WWOX: variants seen among roughly 807,000 people sequenced by gnomAD.
WWOX encodes the protein WW domain containing oxidoreductase.
A neutral mutation model predicts 46.2 loss-of-function variants in WWOX; 69 were observed. The observed-to-expected ratio is 1.49, with a 90% confidence interval of 1.23 to 1.82. The LOEUF (loss-of-function observed/expected upper bound fraction) is 1.82, where lower values mean the gene tolerates loss of function less well. Ranked by LOEUF, WWOX falls within the 40% of genes most tolerant of loss-of-function variation. The pLI is 0.00. For missense variants in WWOX, 919 were observed against 542.6 expected, an observed-to-expected ratio of 1.69 and a Z score of -6.89; for synonymous variants, 359 against 202.6, an observed-to-expected ratio of 1.77 and a Z score of -6.56.
chr16:78,570,244 T>C (rs553533058), intron 8 of WWOX, among the ~76,000 whole-genome samples: 3 of 152,272 alleles, frequency 2.0e-5, no homozygotes, highest in Non-Finnish European at 4.4e-5. Flanking sequence ...CCCAAGTGTT[T>C]TATTAATATA....
At chr16:78,354,374 T>C (rs1431475917) in intron 5 of WWOX, among the ~76,000 whole-genome samples, 1 of 150,312 alleles carries the variant, frequency 6.7e-6, no homozygotes, top group Non-Finnish European at 1.5e-5. Context: ...TTTGCACATA[T>C]TGTCAAATGA....
intron 5 of WWOX, among the ~76,000 whole-genome samples, chr16:78,283,077 T>C (rs2079707278): frequency 6.6e-6 from 1 of 151,870 alleles, no homozygotes; most frequent in Non-Finnish European, 1.5e-5. Context: ...GAGGGCGGCG[T>C]GGACATAGCC....
At chr16:78,961,317 T>C (rs1056941714) in intron 8 of WWOX, among the ~76,000 whole-genome samples, 3 of 152,222 alleles carry the variant, frequency 2.0e-5, no homozygotes, top group Admixed American at 1.3e-4. Flanking sequence ...ATGCCTAAAT[T>C]GATGTAGTTC....
intron 8 of WWOX, among the ~76,000 whole-genome samples, chr16:78,517,455 G>C (rs565272970): frequency 6.6e-6 from 1 of 152,242 alleles, no homozygotes; most frequent in Admixed American, 6.5e-5. Flanking sequence ...TGTCTTGTTC[G>C]ACGCTTCGCA....
In WWOX at chr16:78,857,594, A is replaced by T. The variant is rs2052596490; in HGVS notation, c.1057-354014A>T. On this transcript the variant is annotated intron_variant, in intron 8 of 8. Transcript: ENST00000566780. ...GTCAAGAGTCTAGTGACCTTAAACC[A>T]AATGTTATTTTCCTTTTGTATCTAG... Among the ~76,000 whole-genome samples the T allele has an allele frequency of 3.9e-5, 6 of 152,194 alleles. No individual in the cohort carries two copies. The South Asian group carries it at 1.2e-3, about 31-fold the overall frequency.
intron 5 of WWOX, among the ~76,000 whole-genome samples, chr16:78,214,377 G>A (rs1220660200): frequency 6.6e-6 from 1 of 152,128 alleles, no homozygotes; most frequent in African/African-American, 2.4e-5. Flanking sequence ...TAGGGCTTTT[G>A]TGAGAGTTTA....
intron 5 of WWOX, among the ~76,000 whole-genome samples, chr16:78,254,578 T>C (rs1308471287): frequency 1.5e-5 from 2 of 135,504 alleles, no homozygotes. Flanking sequence ...CAATCTCAGC[T>C]CACTGCAACC....
chr16:78,717,656 A>T (rs1258151124), intron 8 of WWOX, among the ~76,000 whole-genome samples: 1 of 152,180 alleles, frequency 6.6e-6, no homozygotes, highest in Non-Finnish European at 1.5e-5. Context: ...AATGGAATGA[A>T]AGAGGGGTTT....
intron 5 of WWOX, among the ~76,000 whole-genome samples, chr16:78,359,266 T>A (rs1282433300): frequency 6.6e-6 from 1 of 152,236 alleles, no homozygotes; most frequent in Non-Finnish European, 1.5e-5. Context: ...GGCAATTTGT[T>A]CCAATATTCT....
At chr16:78,170,433 TTAA>T (rs1289478492) in intron 5 of WWOX, among the ~76,000 whole-genome samples, 1 of 152,318 alleles carries the variant, frequency 6.6e-6, no homozygotes, top group Non-Finnish European at 1.5e-5. Flanking sequence ...GCTGCTGCTA[TTAA>T]TAACAACAAT....
intron 8 of WWOX, chr16:78,896,575 T>C (rs752969881): frequency 1.3e-5 from 2 of 152,154 alleles, no homozygotes; most frequent in African/African-American, 2.4e-5. Flanking sequence ...CTGGGACATA[T>C]GACACTGAAG....
At chr16:78,712,952 G>C (rs956796382) in intron 8 of WWOX, among the ~76,000 whole-genome samples, 8 of 152,082 alleles carry the variant, frequency 5.3e-5, no homozygotes, top group African/African-American at 1.9e-4. Context: ...CAAGAGGCAG[G>C]CTGCCAAGAA....
chr16:78,757,008 A>G (rs191465109), intron 8 of WWOX: 3 of 699,780 alleles, frequency 4.3e-6, no homozygotes, highest in East Asian at 2.7e-5. Flanking sequence ...CCTCCTGCCA[A>G]CAGCCATGTG....
At chr16:78,249,366 C>T (rs2037917893) in intron 5 of WWOX, among the ~76,000 whole-genome samples, 2 of 152,208 alleles carry the variant, frequency 1.3e-5, no homozygotes, top group South Asian at 2.1e-4. Flanking sequence ...CAGGCGTGGG[C>T]CAGAATGCCA....
intron 8 of WWOX, among the ~76,000 whole-genome samples, chr16:78,644,299 A>C (rs1438378652): frequency 6.6e-6 from 1 of 152,164 alleles, no homozygotes; most frequent in African/African-American, 2.4e-5. Flanking sequence ...CTGATCAGAC[A>C]GGTAGTGCTG....
intron 8 of WWOX, among the ~76,000 whole-genome samples, chr16:78,713,485 T>C (rs2048491181): frequency 6.6e-6 from 1 of 152,084 alleles, no homozygotes; most frequent in Non-Finnish European, 1.5e-5. Context: ...TACCTCATAA[T>C]GTTACTCTAT....
intron 8 of WWOX, among the ~76,000 whole-genome samples, chr16:78,876,249 A>T (rs1597093979): frequency 6.6e-6 from 1 of 151,768 alleles, no homozygotes; most frequent in South Asian, 2.1e-4. Flanking sequence ...CTTTAAAAGC[A>T]GTTCTAAAAC....
At chr16:78,440,557 A>C (rs1301324053) in intron 8 of WWOX, among the ~76,000 whole-genome samples, 3 of 151,988 alleles carry the variant, frequency 2.0e-5, no homozygotes, top group Non-Finnish European at 4.4e-5. Context: ...GAGTCCCTGG[A>C]ATTTCTTCTT....
At chr16:79,176,254 C>A (rs149851877) in intron 8 of WWOX, among the ~76,000 whole-genome samples, 2 of 152,318 alleles carry the variant, frequency 1.3e-5, no homozygotes, top group African/African-American at 4.8e-5. Context: ...CAGCTACGTT[C>A]CACAAAGTGA....
Sources: gnomAD v4.1 joint callset for allele counts (sites outside exome capture counted in the v4.1 genomes callset) on GRCh38, gnomAD v4.1.1 for gene constraint, MANE v1.5 for transcripts, NCBI Gene and HGNC (gene_info 2026-07-23, HGNC 2026-07-21) for gene names.